Variants in IGSF21 observed in about 807,000 individuals in gnomAD.
IGSF21 encodes immunoglobulin superfamily member 21.
Under a neutral mutation model 46.8 loss-of-function variants are expected in IGSF21, and 28 were observed. That is an observed-to-expected ratio of 0.60 (90% CI 0.44 to 0.82). IGSF21 has a LOEUF of 0.82. IGSF21 is among the 40% of genes least tolerant of loss of function. The probability of loss-of-function intolerance (pLI) is 0.00; values close to 1 mark genes in which losing one functional copy is unlikely to be tolerated. For missense variants in IGSF21, 624 were observed against 665.5 expected (o/e 0.94, Z 0.69); for synonymous variants, 284 against 273.6 (o/e 1.04, Z -0.38).
At chr1:18,345,312 C>T (rs1486504016) in intron 4 of IGSF21, among the ~76,000 whole-genome samples, 1 of 152,188 alleles carries the variant, frequency 6.6e-6, no homozygotes, top group Non-Finnish European at 1.5e-5. Flanking sequence ...AGGGTATGGG[C>T]TTTGGATTCA....
rs577284154 is a variant in IGSF21 at position 18,174,824 on chromosome 1, T to C, written c.71-53074T>C. Among the ~76,000 whole-genome samples the C allele has an allele frequency of 2.0e-4, 31 of 152,356 alleles. No homozygotes were observed. In the South Asian group the frequency reaches 5.6e-3, roughly 27 times the overall value. On this transcript the variant is annotated intron_variant, in intron 1 of 9. Transcript: ENST00000251296. ...TTCTCCTGTGCCCTGACAGTGGTTC[T>C]TGACATAGTCTGCAAATAACTACCT...
intron 3 of IGSF21, among the ~76,000 whole-genome samples, chr1:18,292,907 A>T: frequency 6.6e-6 from 1 of 152,172 alleles, no homozygotes; most frequent in Non-Finnish European, 1.5e-5. Context: ...CTTCCACGCC[A>T]CACCGCCAAA....
intron 1 of IGSF21, among the ~76,000 whole-genome samples, chr1:18,117,795 G>A (rs533069860): frequency 6.6e-6 from 1 of 152,350 alleles, no homozygotes; most frequent in South Asian, 2.1e-4. Flanking sequence ...GAATTACAGA[G>A]CATCTGAGCC....
chr1:18,153,818 T>C (rs1432903266), intron 1 of IGSF21, among the ~76,000 whole-genome samples: 1 of 152,134 alleles, frequency 6.6e-6, no homozygotes, highest in African/African-American at 2.4e-5. Context: ...CCACGCAGCG[T>C]CTGCGAATCC....
chr1:18,353,755 G>T (rs1181603285), intron 4 of IGSF21, among the ~76,000 whole-genome samples: 1 of 152,224 alleles, frequency 6.6e-6, no homozygotes, highest in African/African-American at 2.4e-5. Flanking sequence ...AGAGCTGAGT[G>T]TGTTCATAGA....
At chr1:18,367,809 C>T (rs1450036276) in intron 6 of IGSF21, among the ~76,000 whole-genome samples, 28 of 151,058 alleles carry the variant, frequency 1.9e-4, no homozygotes, top group Admixed American at 1.5e-3. Context: ...TTCACCATAT[C>T]GGCCAGGCTG....
intron 1 of IGSF21, among the ~76,000 whole-genome samples, chr1:18,164,502 C>G (rs1218741865): frequency 6.6e-6 from 1 of 152,198 alleles, no homozygotes; most frequent in East Asian, 1.9e-4. Flanking sequence ...TTACGCTCCC[C>G]CCAGCAATGT....
At chr1:18,341,076 T>C (rs1365727167) in intron 4 of IGSF21, among the ~76,000 whole-genome samples, 2 of 98,368 alleles carry the variant, frequency 2.0e-5, no homozygotes, top group South Asian at 4.6e-4. Context: ...TTCTTCTTCT[T>C]CTCCTCCTCC....
chr1:18,287,552 C>T (rs773879955), intron 2 of IGSF21, among the ~76,000 whole-genome samples: 5 of 152,214 alleles, frequency 3.3e-5, no homozygotes, highest in Admixed American at 6.5e-5. Context: ...AAGTGCCTCT[C>T]GCTCTGGGGC....
At chr1:18,212,855 T>G (rs2883732) in intron 1 of IGSF21, among the ~76,000 whole-genome samples, 73,813 of 151,704 alleles carry the variant, frequency 0.49, 18,373 homozygotes, top group Non-Finnish European at 0.54. Context: ...GTTAAGAAAA[T>G]GGGAATTCCC....
intron 9 of IGSF21, 57 bp from the exon 10 acceptor site, chr1:18,378,199 G>C (rs1024717455): frequency 6.2e-6 from 9 of 1,453,364 alleles, no homozygotes; most frequent in Non-Finnish European, 7.7e-6. Flanking sequence ...AGGCTCTGCT[G>C]TTCTGGAACG....
intron 1 of IGSF21, among the ~76,000 whole-genome samples, chr1:18,118,698 G>A (rs1015669906): frequency 2.0e-5 from 3 of 152,166 alleles, no homozygotes; most frequent in Admixed American, 6.5e-5. Context: ...GGCATCAGAA[G>A]GCCAATTCCT....
chr1:18,311,917 C>A (rs1478525467), intron 3 of IGSF21, among the ~76,000 whole-genome samples: 1 of 152,206 alleles, frequency 6.6e-6, no homozygotes, highest in Non-Finnish European at 1.5e-5. Context: ...AAGATGAAAT[C>A]TGTGTGGGGA....
At chr1:18,321,222 G>A (rs2085597536) in intron 3 of IGSF21, among the ~76,000 whole-genome samples, 1 of 152,216 alleles carries the variant, frequency 6.6e-6, no homozygotes, top group Admixed American at 6.5e-5. Context: ...GTCACCAGAA[G>A]CAGAGGCAGG....
At chr1:18,114,532 C>T (rs1183973289) in intron 1 of IGSF21, 1 of 152,236 alleles carries the variant, frequency 6.6e-6, no homozygotes, top group African/African-American at 2.4e-5. Flanking sequence ...GACTTCCTGG[C>T]AGCAAAGATG....
At chr1:18,187,442 G>A (rs1164427138) in intron 1 of IGSF21, among the ~76,000 whole-genome samples, 1 of 152,188 alleles carries the variant, frequency 6.6e-6, no homozygotes, top group Non-Finnish European at 1.5e-5. Context: ...ATGGTGGAAG[G>A]TGAAAGGTAC....
intron 1 of IGSF21, 107 bp from the exon 2 acceptor site, chr1:18,227,791 C>A: frequency 3.9e-6 from 3 of 769,918 alleles, no homozygotes; most frequent in South Asian, 1.5e-5. Context: ...CAACTACAGA[C>A]CCCAAACTTC....
intron 2 of IGSF21, among the ~76,000 whole-genome samples, chr1:18,275,186 G>T (rs2085087921): frequency 6.6e-6 from 1 of 152,188 alleles, no homozygotes; most frequent in Admixed American, 6.5e-5. Context: ...AGGTCTTTGT[G>T]CAGCTCTTGC....
At chr1:18,224,185 A>G (rs889971321) in intron 1 of IGSF21, among the ~76,000 whole-genome samples, 4 of 152,248 alleles carry the variant, frequency 2.6e-5, no homozygotes, top group Admixed American at 2.6e-4. Context: ...ATTCGCTCCC[A>G]TTCCTGGCTC....
Sources: gnomAD v4.1 joint callset for allele counts (sites outside exome capture counted in the v4.1 genomes callset) on GRCh38, gnomAD v4.1.1 for gene constraint, MANE v1.5 for transcripts, NCBI Gene and HGNC (gene_info 2026-07-23, HGNC 2026-07-21) for gene names.